RNASE10: variants seen among roughly 807,000 people sequenced by gnomAD.
RNASE10 encodes the protein inactive ribonuclease-like protein 10.
In RNASE10, 2 loss-of-function variants were observed where a neutral mutation model predicts 1.1. That is an observed-to-expected ratio of 1.82 (90% CI 0.74 to 5.73). The LOEUF is 5.73. Ranked by LOEUF, RNASE10 falls within the 30% of genes most tolerant of loss-of-function variation. The probability of loss-of-function intolerance (pLI) is 0.05; values close to 1 mark genes in which losing one functional copy is unlikely to be tolerated. For missense variants in RNASE10, 276 were observed against 263.4 expected, an observed-to-expected ratio of 1.05 and a Z score of -0.33; for synonymous variants, 97 against 96.2, an observed-to-expected ratio of 1.01 and a Z score of -0.05.
chr14:20,506,798 G>A (rs1173000924), intron 1 of RNASE10, among the ~76,000 whole-genome samples: 20 of 120,750 alleles, frequency 1.7e-4, no homozygotes, highest in African/African-American at 3.7e-4. Flanking sequence ...CAGCCGCCCC[G>A]TCCGGGAGGG....
At chr14:20,507,783 G>A (rs576533927) in intron 1 of RNASE10, among the ~76,000 whole-genome samples, 37 of 150,846 alleles carry the variant, frequency 2.5e-4, no homozygotes, top group South Asian at 6.3e-4. Context: ...TTCTCACTCC[G>A]GTTGCCCAGG....
intron 1 of RNASE10, among the ~76,000 whole-genome samples, chr14:20,509,973 G>A (rs528733950): frequency 2.9e-5 from 4 of 136,520 alleles, no homozygotes; most frequent in African/African-American, 1.1e-4. Context: ...AAAAAAAAGA[G>A]CTGGGCATGG....
At chr14:20,512,888 A>T (rs1566538967), downstream of RNASE10, among the ~76,000 whole-genome samples, 1 of 151,884 alleles carries the variant, frequency 6.6e-6, no homozygotes, top group African/African-American at 2.4e-5. Flanking sequence ...GTAAGGGGGA[A>T]AAAATGAGAA....
At chr14:20,512,302 G>T (rs1002683043), downstream of RNASE10, among the ~76,000 whole-genome samples, 1 of 152,228 alleles carries the variant, frequency 6.6e-6, no homozygotes, top group Non-Finnish European at 1.5e-5. Context: ...ATACACAGAA[G>T]ATGCAAGTGG....
downstream of RNASE10, among the ~76,000 whole-genome samples, chr14:20,512,526 C>T (rs1257447902): frequency 2.6e-5 from 4 of 152,188 alleles, no homozygotes; most frequent in Non-Finnish European, 5.9e-5. Context: ...AAGGGAAGAA[C>T]GGTTTGCTTT....
chr14:20,513,467 C>T (rs920666462), downstream of RNASE10, among the ~76,000 whole-genome samples: 1 of 152,192 alleles, frequency 6.6e-6, no homozygotes, highest in East Asian at 1.9e-4. Context: ...TTCCTCTCTA[C>T]ACTTCCAGGA....
At chr14:20,506,460 C>T (rs1203659183) in intron 1 of RNASE10, among the ~76,000 whole-genome samples, 1 of 129,780 alleles carries the variant, frequency 7.7e-6, no homozygotes, top group East Asian at 2.2e-4. Flanking sequence ...GCCCCCTGCC[C>T]GGCCAGCCGC....
chr14:20,508,761 CTATTT>C (rs1165240300), intron 1 of RNASE10, among the ~76,000 whole-genome samples: 22 of 151,926 alleles, frequency 1.4e-4, no homozygotes, highest in African/African-American at 4.1e-4. Flanking sequence ...TATAATTATT[CTATTT>C]TATTAGTTGT....
exon 2 of RNASE10, chr14:20,510,635 C>A (rs1210955056): frequency 6.2e-7 from 1 of 1,614,002 alleles, no homozygotes. Flanking sequence ...AAAGCTGAGG[C>A]CACTGAGGAG....
downstream of RNASE10, among the ~76,000 whole-genome samples, chr14:20,511,473 C>A (rs187834304): frequency 2.7e-4 from 41 of 152,294 alleles, no homozygotes; most frequent in Admixed American, 2.5e-3. Context: ...TACCCATGTT[C>A]TTCCCTGCTG....
At chr14:20,512,866 A>C (rs1251398811), downstream of RNASE10, among the ~76,000 whole-genome samples, 6 of 152,300 alleles carry the variant, frequency 3.9e-5, no homozygotes, top group South Asian at 1.2e-3. Flanking sequence ...AAGAGACAAA[A>C]GATTATCTAA....
chr14:20,511,163 C>A, downstream of RNASE10: 1 of 1,374,360 alleles, frequency 7.3e-7, no homozygotes, highest in South Asian at 1.7e-5. Context: ...TCTCCTGTTC[C>A]TCTTCCTTTT....
chr14:20,509,192 G>T (rs1237753529), intron 1 of RNASE10, among the ~76,000 whole-genome samples: 1 of 152,320 alleles, frequency 6.6e-6, no homozygotes, highest in South Asian at 2.1e-4. Context: ...TGGGACTACT[G>T]GTGCGTGGCA....
At chr14:20,511,324 G>GCCCTCT (rs1476251073), downstream of RNASE10, among the ~76,000 whole-genome samples, 3 of 152,138 alleles carry the variant, frequency 2.0e-5, no homozygotes, top group Non-Finnish European at 4.4e-5. Flanking sequence ...TAAGCTCTCT[G>GCCCTCT]CCTCTCCTTT....
intron 1 of RNASE10, among the ~76,000 whole-genome samples, chr14:20,508,055 A>G (rs1441912626): frequency 6.6e-6 from 1 of 151,982 alleles, no homozygotes; most frequent in African/African-American, 2.4e-5. Flanking sequence ...CAGGCCCCCT[A>G]TTTATTTTTT....
At chr14:20,504,560 C>T (rs1343481934), upstream of RNASE10, among the ~76,000 whole-genome samples, 1 of 150,272 alleles carries the variant, frequency 6.7e-6, no homozygotes, top group Non-Finnish European at 1.5e-5. Flanking sequence ...CGGTGGCGGG[C>T]GCCTGTAGTC....
intron 1 of RNASE10, among the ~76,000 whole-genome samples, chr14:20,506,734 C>T (rs1156616799): frequency 7.6e-5 from 9 of 117,656 alleles, no homozygotes; most frequent in African/African-American, 1.7e-4. Context: ...GCCCCCCGCC[C>T]GGCCAGCCGC....
chr14:20,506,276 A>C (rs61994222), intron 1 of RNASE10, among the ~76,000 whole-genome samples: 37 of 95,180 alleles, frequency 3.9e-4, no homozygotes, highest in Admixed American at 7.3e-4. Context: ...TGAGGAGCCC[A>C]TCTGCCCGGC....
chr14:20,510,707 G>A lies in RNASE10; in HGVS notation c.320G>A (p.Gly107Asp), dbSNP rs1470191641. ...AGCAACAAAGAAGTGGTGCAACCTG[G>A]CTGGCCAGAAGATCCCATCCTCGGT... Residue 107 changes from glycine to aspartate, a missense_variant, in exon 2 of 2, where the codon GGC (glycine) becomes GAC (aspartate). Physicochemically the swap from Gly to Asp is moderately conservative, Grantham distance 94. Coordinates refer to ENST00000430083, the Ensembl canonical transcript of RNASE10. The A allele has an allele frequency of 1.9e-6, 3 of 1,614,228 alleles. No individual in the cohort carries two copies. The highest frequency in any genetic ancestry group is 2.5e-6 in the Non-Finnish European group (3 of 1,180,040).
Sources: allele counts gnomAD v4.1 joint callset (sites outside exome capture counted in the v4.1 genomes callset), GRCh38; gene constraint gnomAD v4.1.1; transcripts MANE v1.5; gene names NCBI Gene and HGNC (gene_info 2026-07-23, HGNC 2026-07-21).